The following VPS13A variants were observed in gnomAD, a reference collection of about 807,000 sequenced individuals.
VPS13A encodes vacuolar protein sorting 13 homolog A.
In VPS13A, 264 loss-of-function variants were observed where a neutral mutation model predicts 390.9. That is an observed-to-expected ratio of 0.68 (90% CI 0.61 to 0.75). The LOEUF is 0.75. Among genes scored for constraint, VPS13A ranks in the 30% least tolerant of loss-of-function variants. The pLI is 0.00. For missense variants in VPS13A, 3,409 were observed against 3,733.9 expected (o/e 0.91, Z 2.27); for synonymous variants, 1,231 against 1,227.1 (o/e 1.00, Z -0.07).
intron 10 of VPS13A, among the ~76,000 whole-genome samples, chr9:77,216,292 A>G (rs190706508): frequency 2.0e-5 from 3 of 152,344 alleles, no homozygotes; most frequent in East Asian, 1.9e-4. Flanking sequence ...TAAAAAATTG[A>G]TAACTGGCAT....
chr9:77,277,309 A>T (rs1826740528), intron 26 of VPS13A, among the ~76,000 whole-genome samples: 1 of 152,162 alleles, frequency 6.6e-6, no homozygotes, highest in Non-Finnish European at 1.5e-5. Context: ...GGGACAATTG[A>T]GCAGAAGGTA....
chr9:77,310,265 A>G lies in VPS13A; in HGVS notation c.4114+2167A>G, dbSNP rs567630748. ...TGCACTGAAAAGGAATCTCCAAATT[A>G]TCTATGTGAATAGGCTAGAAATTAA... On this transcript the variant is annotated intron_variant, in intron 35 of 71. Coordinates refer to ENST00000360280, the MANE Select transcript of VPS13A (RefSeq NM_033305.3). Among the ~76,000 whole-genome samples, 5 of 152,288 alleles carry G rather than the reference A, an allele frequency of 3.3e-5. No homozygotes were observed. The East Asian group carries it at 7.7e-4, about 23-fold the overall frequency.
Position 77,252,352 on chromosome 9 carries a change from A to G in VPS13A, c.2288A>G (p.Lys763Arg), listed in dbSNP as rs749375820. The change falls in exon 22 of 72, where the codon AAA (lysine) becomes AGA (arginine). Residue 763 changes from lysine to arginine, a missense_variant and splice_region_variant. Around this residue, in one of 5 missense-constraint regions of VPS13A, gnomAD observed 2,717 missense variants for 2,917.4 expected, o/e 0.93. Transcript: ENST00000360280. ...GTTTTCATGGATGTAAGGATGCCCA[A>G]GTATGTACTGTTTGTTTCATGTGAA... Reference protein sequence around the residue: ...AMVFMDVRMPKFKIYGKLPLI... With the variant: ...AMVFMDVRMPRFKIYGKLPLI... 2 of 1,606,456 alleles carry G rather than the reference A, an allele frequency of 1.2e-6. No homozygotes were observed. The highest frequency in any genetic ancestry group is 1.7e-6 in the Non-Finnish European group (2 of 1,173,092).
At chr9:77,351,483 T>G (rs1363103760) in intron 53 of VPS13A, 37 bp downstream of exon 53, 2 of 1,608,028 alleles carry the variant, frequency 1.2e-6, no homozygotes, top group Admixed American at 1.7e-5. Flanking sequence ...CCAGCAGCCT[T>G]TTTTAAAAAA....
At chr9:77,396,105 C>T (rs918339883) in intron 68 of VPS13A, among the ~76,000 whole-genome samples, 1 of 151,954 alleles carries the variant, frequency 6.6e-6, no homozygotes, top group Non-Finnish European at 1.5e-5. Context: ...ACCCTTGATG[C>T]TCTCACTCTG....
intron 68 of VPS13A, among the ~76,000 whole-genome samples, chr9:77,390,819 T>A (rs1458415327): frequency 2.0e-5 from 3 of 151,858 alleles, no homozygotes; most frequent in Non-Finnish European, 4.4e-5. Flanking sequence ...GCTGGGATTA[T>A]AGACATGAGC....
At chr9:77,254,936 T>G (rs2022443) in intron 22 of VPS13A, among the ~76,000 whole-genome samples, 33,170 of 152,072 alleles carry the variant, frequency 0.22, 4,168 homozygotes, top group East Asian at 0.4. Flanking sequence ...CTATCATCTG[T>G]GTATGGAGTT....
chr9:77,242,243 C>T (rs1824540552), intron 19 of VPS13A, among the ~76,000 whole-genome samples: 2 of 152,056 alleles, frequency 1.3e-5, no homozygotes, highest in South Asian at 2.1e-4. Context: ...TACTATCTGT[C>T]ATTTTCCTTT....
At chr9:77,193,168 G>A (rs1824784247) in intron 1 of VPS13A, among the ~76,000 whole-genome samples, 1 of 151,700 alleles carries the variant, frequency 6.6e-6, no homozygotes, top group Non-Finnish European at 1.5e-5. Context: ...AGTTCTTGTA[G>A]TGAGTTTTTT....
intron 67 of VPS13A, among the ~76,000 whole-genome samples, chr9:77,376,151 A>C (rs1049384624): frequency 6.6e-6 from 1 of 152,206 alleles, no homozygotes; most frequent in East Asian, 1.9e-4. Context: ...AGCAGTTAAA[A>C]AGCCCTGATG....
rs369994491 is a variant in VPS13A, at chr9:77,297,111, C to T, written c.3812+1265C>T. Among the ~76,000 whole-genome samples, 639 of 151,010 alleles carry T rather than the reference C, an allele frequency of 4.2e-3. 11 individuals are homozygous for T. The highest frequency in any genetic ancestry group is 0.035 in the South Asian group (167 of 4,774). On this transcript the variant is annotated intron_variant, in intron 33 of 71. Coordinates refer to ENST00000360280, the MANE Select transcript of VPS13A (RefSeq NM_033305.3). Reference sequence around the variant, plus strand: ...TTTTTTCTTTTTTTGTTTTCTCATTCATTGATTTCTGATTCAATATTTATT... The same window carrying T: ...TTTTTTCTTTTTTTGTTTTCTCATTTATTGATTTCTGATTCAATATTTATT...
chr9:77,325,644 A>G (rs1829978962), intron 45 of VPS13A, among the ~76,000 whole-genome samples: 1 of 148,556 alleles, frequency 6.7e-6, no homozygotes, highest in African/African-American at 2.5e-5. Flanking sequence ...GTATCTCTTT[A>G]TACTTCCTTG....
At position 77,219,042 on chromosome 9, in the gene VPS13A, A is replaced by G. The variant is rs191429947; in HGVS notation, c.755-912A>G. ...AAATAACTGATGGTGGAACTTCAGT[A>G]AGGTGGGGATGGACTGAGGATGTGA... On this transcript the variant is annotated intron_variant, in intron 10 of 71. Transcript: ENST00000360280. 4.2e-3 allele frequency among the ~76,000 whole-genome samples: 642 copies of G among 152,264 alleles called. 2 individuals are homozygous for G. The highest frequency in any genetic ancestry group is 7.5e-3 in the Non-Finnish European group (510 of 68,012).
intron 45 of VPS13A, among the ~76,000 whole-genome samples, chr9:77,326,420 G>A (rs556949352): frequency 6.6e-6 from 1 of 152,144 alleles, no homozygotes; most frequent in Non-Finnish European, 1.5e-5. Context: ...CCACAGCTCA[G>A]TAATGCTCTG....
At chr9:77,414,704 C>T (rs1048043585) in intron 71 of VPS13A, among the ~76,000 whole-genome samples, 3 of 150,896 alleles carry the variant, frequency 2.0e-5, no homozygotes, top group Non-Finnish European at 2.9e-5. Context: ...CTAACCTGCA[C>T]GTTGTGCACA....
At chr9:77,185,566 C>T (rs1036690189) in intron 1 of VPS13A, among the ~76,000 whole-genome samples, 21 of 152,116 alleles carry the variant, frequency 1.4e-4, no homozygotes, top group African/African-American at 5.1e-4. Flanking sequence ...GGTTCTGTGT[C>T]GAATATGAGA....
At chr9:77,360,687 GAT>G (rs756616142) in intron 59 of VPS13A, 46 bp downstream of exon 59, 1 of 1,387,282 alleles carries the variant, frequency 7.2e-7, no homozygotes, top group Non-Finnish European at 1.0e-6. Flanking sequence ...TTAGGGAAAA[GAT>G]ATTATTATAA....
At chr9:77,319,738 T>G in intron 42 of VPS13A, 65 bp downstream of exon 42, 2 of 943,326 alleles carry the variant, frequency 2.1e-6, no homozygotes, top group Non-Finnish European at 3.1e-6. Context: ...TTTATTTTTT[T>G]AAGAACAGAT....
intron 46 of VPS13A, among the ~76,000 whole-genome samples, chr9:77,336,284 A>G (rs907821417): frequency 2.0e-5 from 3 of 152,116 alleles, no homozygotes; most frequent in East Asian, 1.9e-4. Context: ...GCAAACCACT[A>G]TGGCATGTGT....
Sources: gnomAD v4.1 joint callset for allele counts (sites outside exome capture counted in the v4.1 genomes callset) on GRCh38, gnomAD v4.1.1 for gene constraint, gnomAD v4.1.1 regional missense constraint, MANE v1.5 for transcripts, NCBI Gene and HGNC (gene_info 2026-07-23, HGNC 2026-07-21) for gene names.